The following NYAP2 variants were observed in gnomAD, a reference collection of about 807,000 sequenced individuals.
The protein encoded by NYAP2 is neuronal tyrosine-phosphorylated phosphoinositide-3-kinase adapter 2.
A neutral mutation model predicts 50.4 loss-of-function variants in NYAP2; 23 were observed. The observed-to-expected ratio is 0.46, with a 90% CI of 0.33 to 0.65. The LOEUF (loss-of-function observed/expected upper bound fraction) is 0.65, where lower values mean the gene tolerates loss of function less well. Ranked by LOEUF, NYAP2 falls within the 30% of genes least tolerant of loss-of-function variation. NYAP2 has a pLI of 0.02. For synonymous variants in NYAP2, 394 were observed against 365.2 expected, an observed-to-expected ratio of 1.08 and a Z score of -0.90; for missense variants, 885 against 861.0, an observed-to-expected ratio of 1.03 and a Z score of -0.35.
At chr2:225,671,908 T>G in the NYAP2 span, among the ~76,000 whole-genome samples, 1 of 152,116 alleles carries the variant, frequency 6.6e-6, no homozygotes, top group Non-Finnish European at 1.5e-5. Flanking sequence ...AGGAATTCTT[T>G]TTTTTTCTGT....
At chr2:225,656,868 T>C (rs556549915), downstream of NYAP2, among the ~76,000 whole-genome samples, 32 of 152,230 alleles carry the variant, frequency 2.1e-4, no homozygotes, top group South Asian at 6.4e-3. Context: ...TCTATAAACA[T>C]CTTTCTGTAT....
chr2:225,439,490 A>G (rs1473860528), intron 3 of NYAP2, among the ~76,000 whole-genome samples: 2 of 152,218 alleles, frequency 1.3e-5, no homozygotes, highest in Admixed American at 6.5e-5. Flanking sequence ...TACAGATTTC[A>G]GCCTGTAGCC....
chr2:225,416,185 T>G (rs1009395551), intron 3 of NYAP2, among the ~76,000 whole-genome samples: 2 of 152,192 alleles, frequency 1.3e-5, no homozygotes, highest in Non-Finnish European at 2.9e-5. Flanking sequence ...CTTGTTTTTA[T>G]GTAAAAATCA....
At chr2:225,432,134 C>T (rs1319312210) in intron 3 of NYAP2, among the ~76,000 whole-genome samples, 5 of 150,250 alleles carry the variant, frequency 3.3e-5, no homozygotes, top group Admixed American at 6.6e-5. Context: ...CCTGCCACCA[C>T]GCCCGCCTAA....
At chr2:225,671,049 G>A in the NYAP2 span, among the ~76,000 whole-genome samples, 3 of 152,052 alleles carry the variant, frequency 2.0e-5, no homozygotes, top group African/African-American at 7.2e-5. Flanking sequence ...GACTGATCAG[G>A]GTAGTGGTTG....
intron 3 of NYAP2, among the ~76,000 whole-genome samples, chr2:225,491,346 A>G (rs954445384): frequency 2.6e-5 from 4 of 152,162 alleles, no homozygotes; most frequent in Admixed American, 2.6e-4. Context: ...TGTCAAACCT[A>G]TATCTCCATC....
chr2:225,434,990 T>G (rs564360272), intron 3 of NYAP2, among the ~76,000 whole-genome samples: 1 of 152,362 alleles, frequency 6.6e-6, no homozygotes, highest in South Asian at 2.1e-4. Flanking sequence ...TAGCTGAGTG[T>G]GTTTTCCTAG....
chr2:225,586,237 G>A (rs537500375), intron 5 of NYAP2, among the ~76,000 whole-genome samples: 1 of 152,208 alleles, frequency 6.6e-6, no homozygotes, highest in South Asian at 2.1e-4. Flanking sequence ...TGTTTTAAAG[G>A]TTTATAATTG....
intron 4 of NYAP2, among the ~76,000 whole-genome samples, chr2:225,520,134 G>A (rs1691020766): frequency 6.6e-6 from 1 of 152,236 alleles, no homozygotes; most frequent in South Asian, 2.1e-4. Flanking sequence ...TTTATTTCTT[G>A]TAAATTTGTT....
chr2:225,522,168 CTTCT>C lies in NYAP2; in HGVS notation c.523+8499_523+8502del, dbSNP rs1432127431. 6.6e-5 allele frequency among the ~76,000 whole-genome samples: 10 copies of C among 151,904 alleles called. No homozygotes were observed. The South Asian group carries it at 1.9e-3, about 28-fold the overall frequency. On this transcript the variant is annotated intron_variant, in intron 4 of 6. Transcript: ENST00000636099. Reference sequence around the variant, plus strand: ...CATCTATTTGATTCTTCTCTCTTTTCTTCTTTATTAGTCTTGCTTTATTAACCTT... The same window carrying C: ...CATCTATTTGATTCTTCTCTCTTTTCTTATTAGTCTTGCTTTATTAACCTT...
At chr2:225,644,786 G>C (rs1246148207) in intron 6 of NYAP2, among the ~76,000 whole-genome samples, 7 of 150,346 alleles carry the variant, frequency 4.7e-5, no homozygotes, top group African/African-American at 1.5e-4. Context: ...GCTCTGTTCT[G>C]TTCCATTGAT....
intron 4 of NYAP2, among the ~76,000 whole-genome samples, chr2:225,578,937 ATAG>A (rs1051370305): frequency 1.3e-5 from 2 of 152,182 alleles, no homozygotes; most frequent in Non-Finnish European, 2.9e-5. Flanking sequence ...CAAAATCAAG[ATAG>A]TAGCATGGTC....
At chr2:225,415,852 T>C (rs1695113850) in intron 3 of NYAP2, among the ~76,000 whole-genome samples, 1 of 152,018 alleles carries the variant, frequency 6.6e-6, no homozygotes, top group Admixed American at 6.6e-5. Context: ...ACAGAAATAC[T>C]GTATAACTAA....
intron 5 of NYAP2, among the ~76,000 whole-genome samples, chr2:225,610,627 G>A (rs1692865380): frequency 6.6e-6 from 1 of 152,112 alleles, no homozygotes; most frequent in Non-Finnish European, 1.5e-5. Flanking sequence ...AAAACTATGG[G>A]ATAGTATAGA....
chr2:225,640,547 G>A (rs556393223), intron 6 of NYAP2, among the ~76,000 whole-genome samples: 1 of 152,066 alleles, frequency 6.6e-6, no homozygotes, highest in Non-Finnish European at 1.5e-5. Context: ...ACTAGTCCTA[G>A]TCTTTGCTGC....
At position 225,588,275 on chromosome 2, in the gene NYAP2, TAAA is replaced by T. The variant is rs947029362; in HGVS notation, c.1618+5241_1618+5243del. 2.2e-4 allele frequency among the ~76,000 whole-genome samples: 33 copies of T among 152,114 alleles called. No homozygotes were observed. In the Middle Eastern group the frequency reaches 0.01, roughly 47 times the overall value. ...TAGTATATTTTTAAAATTATAGATA[TAAA>T]TGAGTCTTGTAGATCTGATGAAATA... is the stretch of plus-strand genomic sequence containing the variant. On this transcript the variant is annotated intron_variant, in intron 5 of 6. Coordinates refer to ENST00000636099, the Ensembl canonical transcript of NYAP2.
At chr2:225,492,536 CATA>C (rs1690427835) in intron 3 of NYAP2, among the ~76,000 whole-genome samples, 1 of 152,108 alleles carries the variant, frequency 6.6e-6, no homozygotes, top group Non-Finnish European at 1.5e-5. Flanking sequence ...GTGTTATTTC[CATA>C]ATGTTTATGT....
At chr2:225,685,567 T>C in the NYAP2 span, among the ~76,000 whole-genome samples, 8 of 152,204 alleles carry the variant, frequency 5.3e-5, no homozygotes, top group African/African-American at 1.9e-4. Context: ...ACTGTAGTTG[T>C]AGTCATTACT....
chr2:225,555,013 T>C (rs1364823950), intron 4 of NYAP2, among the ~76,000 whole-genome samples: 1 of 152,204 alleles, frequency 6.6e-6, no homozygotes, highest in African/African-American at 2.4e-5. Flanking sequence ...AATGCAAGAT[T>C]ATAGCAACAT....
Sources: allele counts gnomAD v4.1 joint callset (sites outside exome capture counted in the v4.1 genomes callset), GRCh38; gene constraint gnomAD v4.1.1; transcripts MANE v1.5; gene names NCBI Gene and HGNC (gene_info 2026-07-23, HGNC 2026-07-21).